Variants in NEBL observed in about 807,000 individuals in gnomAD.
The protein encoded by NEBL is nebulette.
Under a neutral mutation model 140.2 loss-of-function variants are expected in NEBL, and 122 were observed. The observed-to-expected ratio is 0.87, with a 90% CI of 0.75 to 1.01. The LOEUF (loss-of-function observed/expected upper bound fraction) is 1.01. NEBL is among the 50% of genes least tolerant of loss of function. The pLI is 0.00. For synonymous variants in NEBL, 436 were observed against 398.9 expected, an observed-to-expected ratio of 1.09 and a Z score of -1.11; for missense variants, 1,365 against 1,231.3, an observed-to-expected ratio of 1.11 and a Z score of -1.62.
chr10:21,114,105 G>A (rs1205459911), intron 2 of NEBL, among the ~76,000 whole-genome samples: 1 of 151,762 alleles, frequency 6.6e-6, no homozygotes, highest in Non-Finnish European at 1.5e-5. Flanking sequence ...TTGTTGTTGT[G>A]GGTTTTAATA....
intron 1 of NEBL, among the ~76,000 whole-genome samples, chr10:21,274,980 G>A (rs1261611276): frequency 6.6e-6 from 1 of 152,002 alleles, no homozygotes; most frequent in African/African-American, 2.4e-5. Context: ...GCTGTCTCAG[G>A]GAAGGCAGAG....
At chr10:21,268,707 T>C (rs1842827561) in intron 1 of NEBL, among the ~76,000 whole-genome samples, 1 of 151,866 alleles carries the variant, frequency 6.6e-6, no homozygotes, top group African/African-American at 2.4e-5. Context: ...TATTTTTCAA[T>C]AGAGACAGAG....
intron 10 of NEBL, 77 bp from the exon 11 acceptor site, chr10:20,850,579 T>A: frequency 1.1e-6 from 1 of 902,848 alleles, no homozygotes. Context: ...AAATATATGT[T>A]CTAAACTAGT....
At chr10:20,811,224 A>G (rs1183652797) in intron 24 of NEBL, among the ~76,000 whole-genome samples, 1 of 152,232 alleles carries the variant, frequency 6.6e-6, no homozygotes, top group Non-Finnish European at 1.5e-5. Context: ...TTTATAAAAC[A>G]ATCATAATTT....
intron 10 of NEBL, among the ~76,000 whole-genome samples, chr10:20,852,076 G>T (rs1054930799): frequency 4.0e-5 from 6 of 151,732 alleles, no homozygotes; most frequent in African/African-American, 1.5e-4. Context: ...TATTCAGGGG[G>T]TACCTAGAAT....
In NEBL at chr10:20,809,950, G is replaced by GAAAAAAAAAAAAAAAA. The variant is rs200571909; in HGVS notation, c.2519-68_2519-53dup. 2.3e-5 allele frequency: 16 copies of GAAAAAAAAAAAAAAAA among 683,180 alleles called. 1 individual carries two copies. The highest frequency in any genetic ancestry group is 7.4e-5 in the African/African-American group (3 of 40,398). 42.3% of individuals were successfully genotyped at this position (683,180 alleles called of 1,614,324 possible). A position where few individuals can be genotyped will look rare whatever the true frequency, so the allele number is the denominator to read the frequency against. Reference sequence around the variant, plus strand: ...CTCATCAAGAAGGAATTTAAAAAAGGAAAAAAAAAAAAAAAAGCCAGTACC... The same window carrying GAAAAAAAAAAAAAAAA: ...CTCATCAAGAAGGAATTTAAAAAAGGAAAAAAAAAAAAAAAAAAAAAAAAAAAAAAAAGCCAGTACC... On this transcript the variant is annotated intron_variant, in intron 24 of 27. Coordinates refer to ENST00000377122, the MANE Select transcript of NEBL (RefSeq NM_006393.3).
At chr10:21,254,496 T>G (rs1564550481) in intron 1 of NEBL, among the ~76,000 whole-genome samples, 2 of 152,030 alleles carry the variant, frequency 1.3e-5, no homozygotes, top group African/African-American at 2.4e-5. Context: ...CAGGCTAGAG[T>G]GCAGTGGCAC....
At chr10:21,275,702 G>A (rs1039755644) in intron 1 of NEBL, among the ~76,000 whole-genome samples, 3 of 148,096 alleles carry the variant, frequency 2.0e-5, no homozygotes, top group South Asian at 2.1e-4. Flanking sequence ...GTGCAATGAC[G>A]GAATCTTGGC....
intron 2 of NEBL, among the ~76,000 whole-genome samples, chr10:21,046,556 T>A (rs377247074): frequency 1.3e-4 from 20 of 152,292 alleles, no homozygotes; most frequent in African/African-American, 4.3e-4. Context: ...CTTTAAAAAA[T>A]TTGGATTCTT....
intron 2 of NEBL, among the ~76,000 whole-genome samples, chr10:21,114,477 C>G (rs1342610271): frequency 6.6e-6 from 1 of 151,936 alleles, no homozygotes; most frequent in Non-Finnish European, 1.5e-5. Context: ...TGTATTCTTA[C>G]TGATTTTCTG....
chr10:20,930,446 T>A (rs1004541535), intron 4 of NEBL, among the ~76,000 whole-genome samples: 13 of 152,202 alleles, frequency 8.5e-5, no homozygotes, highest in African/African-American at 3.1e-4. Context: ...ATAAAACCCA[T>A]TTTTCCTAGA....
At chr10:21,004,918 C>A (rs1381318241) in intron 3 of NEBL, among the ~76,000 whole-genome samples, 1 of 152,250 alleles carries the variant, frequency 6.6e-6, no homozygotes, top group East Asian at 1.9e-4. Context: ...TCCTCTAAAA[C>A]CCTTTCAGTA....
chr10:21,072,656 G>C (rs1459439731), intron 2 of NEBL, among the ~76,000 whole-genome samples: 1 of 152,240 alleles, frequency 6.6e-6, no homozygotes, highest in Non-Finnish European at 1.5e-5. Flanking sequence ...TCAGGGCTCA[G>C]TTGTTGGTCA....
At chr10:20,921,005 T>C (rs1024650757) in intron 4 of NEBL, among the ~76,000 whole-genome samples, 1 of 152,214 alleles carries the variant, frequency 6.6e-6, no homozygotes, top group Non-Finnish European at 1.5e-5. Flanking sequence ...TTACCAGCTC[T>C]GTCCACTGAA....
chr10:21,235,313 T>A (rs1204056407), intron 3 of NEBL, among the ~76,000 whole-genome samples: 1 of 151,474 alleles, frequency 6.6e-6, no homozygotes, highest in Non-Finnish European at 1.5e-5. Flanking sequence ...AAAATCCAAA[T>A]GTTAAAAAAT....
intron 2 of NEBL, among the ~76,000 whole-genome samples, chr10:21,250,963 A>AT (rs1193038824): frequency 6.6e-6 from 1 of 152,146 alleles, no homozygotes; most frequent in Non-Finnish European, 1.5e-5. Context: ...AGTCCTTGTC[A>AT]TTTTTCATTT....
chr10:21,253,710 A>AT (rs1284705739), intron 1 of NEBL, among the ~76,000 whole-genome samples: 1 of 151,788 alleles, frequency 6.6e-6, no homozygotes, highest in African/African-American at 2.4e-5. Context: ...TGCCTGGCTA[A>AT]TTTTTCTATT....
intron 2 of NEBL, among the ~76,000 whole-genome samples, chr10:21,095,798 G>T (rs182380497): frequency 1.3e-5 from 2 of 152,276 alleles, no homozygotes; most frequent in Admixed American, 1.3e-4. Flanking sequence ...TGACAAGGAA[G>T]ACTTGGGGTT....
intron 4 of NEBL, among the ~76,000 whole-genome samples, chr10:20,937,398 G>C (rs1270010845): frequency 6.6e-6 from 1 of 152,200 alleles, no homozygotes; most frequent in Non-Finnish European, 1.5e-5. Context: ...AACAGGCATA[G>C]TGATTGAGGT....
Sources: allele counts gnomAD v4.1 joint callset (sites outside exome capture counted in the v4.1 genomes callset), GRCh38; gene constraint gnomAD v4.1.1; transcripts MANE v1.5; gene names NCBI Gene and HGNC (gene_info 2026-07-23, HGNC 2026-07-21).